The following SPATA13 variants were observed in gnomAD, a reference collection of about 807,000 sequenced individuals.
SPATA13 encodes the protein spermatogenesis associated 13.
SPATA13 carries 50 observed loss-of-function variants against 104.0 expected under a neutral mutation model. The ratio of observed to expected loss-of-function variants is 0.48; its 90% CI spans 0.38 to 0.61. The LOEUF (loss-of-function observed/expected upper bound fraction) is 0.61. Among genes scored for constraint, SPATA13 ranks in the 20% least tolerant of loss-of-function variants. The pLI, the probability that SPATA13 is intolerant of heterozygous loss-of-function variation, is 0.00. For synonymous variants in SPATA13, 606 were observed against 667.5 expected, an observed-to-expected ratio of 0.91 and a Z score of 1.42; for missense variants, 1,524 against 1,690.6, an observed-to-expected ratio of 0.90 and a Z score of 1.73.
intron 9 of SPATA13, among the ~76,000 whole-genome samples, chr13:24,293,838 T>C (rs1245784674): frequency 1.3e-5 from 2 of 152,142 alleles, no homozygotes; most frequent in South Asian, 2.1e-4. Flanking sequence ...CTGGGATGAA[T>C]TGTGTTTGGT....
intron 1 of SPATA13, among the ~76,000 whole-genome samples, chr13:23,982,402 T>C (rs1874943623): frequency 1.3e-5 from 2 of 152,216 alleles, no homozygotes; most frequent in South Asian, 4.2e-4. Context: ...GACCAGGTCT[T>C]CTGTGTCTTT....
intron 3 of SPATA13, among the ~76,000 whole-genome samples, chr13:24,094,540 T>C (rs934827218): frequency 6.6e-6 from 1 of 152,240 alleles, no homozygotes; most frequent in Non-Finnish European, 1.5e-5. Flanking sequence ...ATTTGCTCTA[T>C]AGACCTTATT....
chr13:24,144,245 G>T (rs1211474747), intron 3 of SPATA13, among the ~76,000 whole-genome samples: 2 of 152,172 alleles, frequency 1.3e-5, no homozygotes, highest in Non-Finnish European at 2.9e-5. Flanking sequence ...CCAATGCTGT[G>T]ATCCACTCTC....
At chr13:24,157,361 C>T (rs922700794), upstream of SPATA13, among the ~76,000 whole-genome samples, 1 of 152,124 alleles carries the variant, frequency 6.6e-6, no homozygotes, top group African/African-American at 2.4e-5. Context: ...TGCAGGGGCG[C>T]GATCGCGGCT....
At chr13:24,187,688 TTGTTTTGGG>T (rs1869237397) in intron 1 of SPATA13, among the ~76,000 whole-genome samples, 1 of 152,290 alleles carries the variant, frequency 6.6e-6, no homozygotes, top group East Asian at 1.9e-4. Flanking sequence ...ACTATTGTAA[TTGTTTTGGG>T]CTTCATGAAC....
At chr13:24,066,562 T>G (rs7999200) in intron 3 of SPATA13, among the ~76,000 whole-genome samples, 58,085 of 151,962 alleles carry the variant, frequency 0.38, 11,213 homozygotes, top group South Asian at 0.49. Context: ...AGCAGAGGCA[T>G]TTCTCAAAGG....
chr13:24,228,427 A>G (rs1467435302), intron 2 of SPATA13, among the ~76,000 whole-genome samples: 1 of 152,138 alleles, frequency 6.6e-6, no homozygotes, highest in African/African-American at 2.4e-5. Context: ...TACTCTTAAC[A>G]TATATGTCAA....
chr13:24,045,462 G>A (rs1338052587), intron 3 of SPATA13, among the ~76,000 whole-genome samples: 1 of 22,392 alleles, frequency 4.5e-5, no homozygotes, highest in Non-Finnish European at 9.4e-5. Context: ...AACATCAAAT[G>A]CCCTAAACAA....
At chr13:24,270,354 G>A (rs1874515007) in intron 4 of SPATA13, among the ~76,000 whole-genome samples, 1 of 152,130 alleles carries the variant, frequency 6.6e-6, no homozygotes, top group Non-Finnish European at 1.5e-5. Flanking sequence ...CTAACTTAAT[G>A]TAATCTCATA....
intron 2 of SPATA13, among the ~76,000 whole-genome samples, chr13:24,229,489 A>G (rs374302610): frequency 4.6e-5 from 7 of 152,220 alleles, no homozygotes; most frequent in Non-Finnish European, 1.0e-4. Context: ...CAGTGAAATT[A>G]TGGATGTCAA....
intron 2 of SPATA13, among the ~76,000 whole-genome samples, chr13:23,990,790 TG>T (rs1202814589): frequency 1.3e-5 from 2 of 152,244 alleles, no homozygotes; most frequent in African/African-American, 4.8e-5. Context: ...CATCTGTTGA[TG>T]GATGACTGTT....
chr13:24,063,470 T>C (rs1038483513), intron 3 of SPATA13, among the ~76,000 whole-genome samples: 8 of 152,034 alleles, frequency 5.3e-5, no homozygotes, highest in Admixed American at 4.6e-4. Context: ...TGCCATCCTC[T>C]CCCCTGGCCC....
intron 3 of SPATA13, among the ~76,000 whole-genome samples, chr13:24,153,797 A>G (rs1882175973): frequency 6.6e-6 from 1 of 152,228 alleles, no homozygotes; most frequent in Non-Finnish European, 1.5e-5. Flanking sequence ...ATTACTGGGA[A>G]GTGGGCTGGT....
At chr13:24,084,412 G>A (rs1323885317) in intron 3 of SPATA13, among the ~76,000 whole-genome samples, 2 of 152,332 alleles carry the variant, frequency 1.3e-5, no homozygotes, top group East Asian at 3.9e-4. Context: ...AGAAATCTGG[G>A]TTCTTCATGG....
chr13:24,290,607 C>T (rs951149502), intron 8 of SPATA13, 45 bp from the exon 9 acceptor site: 2 of 1,483,548 alleles, frequency 1.3e-6, no homozygotes, highest in African/African-American at 1.4e-5. Flanking sequence ...TGTCATGTCC[C>T]AGAGGCACCC....
intron 1 of SPATA13, among the ~76,000 whole-genome samples, chr13:24,221,288 C>T (rs139179173): frequency 7.2e-5 from 11 of 152,254 alleles, no homozygotes; most frequent in Non-Finnish European, 1.0e-4. Flanking sequence ...TACTCAGTGA[C>T]GTTATGTTTT....
chr13:24,278,620 T>C (rs1875193731), intron 4 of SPATA13: 1 of 1,462,750 alleles, frequency 6.8e-7, no homozygotes, highest in Admixed American at 3.1e-5. Context: ...ACAGGGTGCT[T>C]TCATGTATCA....
chr13:24,103,504 A>AAAAAAAAAAAAAAAAAAG (rs1458068316), intron 3 of SPATA13, among the ~76,000 whole-genome samples: 1 of 115,580 alleles, frequency 8.7e-6, no homozygotes, highest in Non-Finnish European at 1.8e-5. Context: ...AAAAAAAAAC[A>AAAAAAAAAAAAAAAAAAG]AGAAAGAAAA....
At chr13:24,028,429 T>G (rs1292140001) in intron 3 of SPATA13, among the ~76,000 whole-genome samples, 1 of 152,236 alleles carries the variant, frequency 6.6e-6, no homozygotes, top group African/African-American at 2.4e-5. Flanking sequence ...TAGTTTCTCC[T>G]AGTACTTTAC....
Sources: allele counts gnomAD v4.1 joint callset (sites outside exome capture counted in the v4.1 genomes callset), GRCh38; gene constraint gnomAD v4.1.1; transcripts MANE v1.5; gene names NCBI Gene and HGNC (gene_info 2026-07-23, HGNC 2026-07-21).